The following MYT1L variants were observed in gnomAD, a reference collection of about 807,000 sequenced individuals.
MYT1L encodes myelin transcription factor 1 like.
In MYT1L, 12 loss-of-function variants were observed where a neutral mutation model predicts 126.7. The observed-to-expected ratio is 0.09, with a 90% CI of 0.06 to 0.15. The LOEUF (loss-of-function observed/expected upper bound fraction) is 0.15, where lower values mean the gene tolerates loss of function less well. Among genes scored for constraint, MYT1L ranks in the 10% least tolerant of loss-of-function variants. The pLI is 1.00. For missense variants in MYT1L, 979 were observed against 1,585.2 expected, an observed-to-expected ratio of 0.62 and a Z score of 6.49; for synonymous variants, 541 against 604.2, an observed-to-expected ratio of 0.90 and a Z score of 1.53.
intron 2 of MYT1L, among the ~76,000 whole-genome samples, chr2:2,184,793 A>G (rs569048052): frequency 1.2e-3 from 178 of 152,194 alleles, no homozygotes; most frequent in African/African-American, 4.0e-3. Context: ...CGTCAGCTTC[A>G]GTTGTAGGAG....
intron 2 of MYT1L, among the ~76,000 whole-genome samples, chr2:2,190,403 C>T (rs930319596): frequency 6.6e-6 from 1 of 151,174 alleles, no homozygotes; most frequent in Non-Finnish European, 1.5e-5. Flanking sequence ...TGCAGGGAGC[C>T]GAGATCACAC....
At chr2:1,913,982 G>T (rs964407258) in intron 11 of MYT1L, among the ~76,000 whole-genome samples, 1 of 152,110 alleles carries the variant, frequency 6.6e-6, no homozygotes, top group Non-Finnish European at 1.5e-5. Flanking sequence ...CCTTCCGGGC[G>T]TGGTGGCTCA....
intron 3 of MYT1L, among the ~76,000 whole-genome samples, chr2:2,159,086 C>T (rs909668531): frequency 7.9e-5 from 12 of 152,112 alleles, no homozygotes; most frequent in East Asian, 1.9e-4. Flanking sequence ...TTCCACAATC[C>T]GCAGGTTGCT....
At chr2:1,987,450 T>TGTTCCCATGGGAGGGGCAGC (rs1287849584) in intron 5 of MYT1L, among the ~76,000 whole-genome samples, 2 of 152,120 alleles carry the variant, frequency 1.3e-5, no homozygotes, top group South Asian at 2.1e-4. Context: ...GGGCAGCCAG[T>TGTTCCCATGGGAGGGGCAGC]GTTCCCATGG....
chr2:2,213,007 T>C (rs1219715637), intron 2 of MYT1L, among the ~76,000 whole-genome samples: 3 of 152,114 alleles, frequency 2.0e-5, no homozygotes, highest in African/African-American at 7.2e-5. Context: ...GAGTGGACTT[T>C]ATTCTCATCA....
chr2:1,983,039 AT>A (rs376030046), intron 5 of MYT1L, among the ~76,000 whole-genome samples: 4 of 152,032 alleles, frequency 2.6e-5, no homozygotes, highest in South Asian at 4.2e-4. Flanking sequence ...GGGCAAACTT[AT>A]TTTTTTTCCA....
At chr2:2,269,229 CT>C (rs2095208856) in intron 2 of MYT1L, among the ~76,000 whole-genome samples, 1 of 152,182 alleles carries the variant, frequency 6.6e-6, no homozygotes, top group Non-Finnish European at 1.5e-5. Flanking sequence ...ACTTACAATA[CT>C]TTTTGGAAAT....
chr2:2,007,497 GA>G (rs1389621026), intron 4 of MYT1L, among the ~76,000 whole-genome samples: 1 of 152,176 alleles, frequency 6.6e-6, no homozygotes, highest in South Asian at 2.1e-4. Context: ...ATTTAACAGG[GA>G]AAACTGGCAC....
intron 18 of MYT1L, among the ~76,000 whole-genome samples, chr2:1,876,532 C>T (rs1282980602): frequency 4.6e-5 from 7 of 152,106 alleles, no homozygotes; most frequent in African/African-American, 1.4e-4. Flanking sequence ...CCCCTCACCC[C>T]GGCAACCTTT....
chr2:2,282,243 T>C (rs915253707), intron 2 of MYT1L, among the ~76,000 whole-genome samples: 1 of 152,238 alleles, frequency 6.6e-6, no homozygotes, highest in Non-Finnish European at 1.5e-5. Context: ...TTGCACGTAG[T>C]AGGCACTTCA....
intron 3 of MYT1L, among the ~76,000 whole-genome samples, chr2:2,089,731 C>CTCTCTG (rs2076716944): frequency 6.6e-6 from 1 of 152,110 alleles, no homozygotes; most frequent in Non-Finnish European, 1.5e-5. Context: ...TTATCTTCCT[C>CTCTCTG]TCTCTGTCTC....
intron 3 of MYT1L, among the ~76,000 whole-genome samples, chr2:2,151,351 G>A (rs2085753786): frequency 1.3e-5 from 2 of 152,106 alleles, no homozygotes; most frequent in South Asian, 4.2e-4. Context: ...AGTACATGCA[G>A]CTTACTTAGA....
chr2:2,173,092 T>G (rs1257374621), intron 2 of MYT1L, 104 bp from the exon 3 acceptor site: 1 of 152,254 alleles, frequency 6.6e-6, no homozygotes, highest in Admixed American at 6.5e-5. Context: ...CAGCTACATT[T>G]CAAGATAGGT....
chr2:2,034,277 C>T (rs1298156602), intron 4 of MYT1L, among the ~76,000 whole-genome samples: 1 of 151,846 alleles, frequency 6.6e-6, no homozygotes, highest in African/African-American at 2.4e-5. Context: ...AAGAGAGCTC[C>T]TAACTTCTCC....
At position 2,112,388 on chromosome 2, in the gene MYT1L, C is replaced by T. The variant is rs188246434; in HGVS notation, c.-303-58265G>A. Reference sequence around the variant, plus strand: ...TTACTGGTCAAAGGAAAGTATTGTACGTTTGAAACACTTTAAAAATGTTTC... The same window carrying T: ...TTACTGGTCAAAGGAAAGTATTGTATGTTTGAAACACTTTAAAAATGTTTC... On this transcript the variant is annotated intron_variant, in intron 3 of 24. Transcript: ENST00000647738. Among the ~76,000 whole-genome samples, 26 of 152,294 alleles carry T rather than the reference C, an allele frequency of 1.7e-4. 1 individual carries two copies. Among genetic ancestry groups the T allele is most frequent in the Non-Finnish European group, 4.4e-5 (3 of 68,026 alleles).
chr2:1,865,128 C>T (rs2045284462), intron 18 of MYT1L, among the ~76,000 whole-genome samples: 2 of 152,170 alleles, frequency 1.3e-5, no homozygotes, highest in African/African-American at 4.8e-5. Context: ...ACCGCATCTG[C>T]CCCGGGTACT....
intron 4 of MYT1L, among the ~76,000 whole-genome samples, chr2:2,030,157 G>A (rs1421550159): frequency 1.3e-5 from 2 of 152,178 alleles, no homozygotes; most frequent in Non-Finnish European, 2.9e-5. Context: ...GAGTGCAATG[G>A]TGTGATCTCA....
chr2:2,314,256 T>C (rs2096025214), intron 1 of MYT1L, among the ~76,000 whole-genome samples: 1 of 152,228 alleles, frequency 6.6e-6, no homozygotes, highest in Middle Eastern at 3.2e-3. Flanking sequence ...CTGCCATATA[T>C]ATTTATGTAT....
intron 2 of MYT1L, among the ~76,000 whole-genome samples, chr2:2,173,797 G>T (rs1305399515): frequency 6.6e-6 from 1 of 152,218 alleles, no homozygotes; most frequent in Admixed American, 6.5e-5. Flanking sequence ...ATGGGCCTCA[G>T]TGAAGTGTGT....
Sources: allele counts gnomAD v4.1 joint callset (sites outside exome capture counted in the v4.1 genomes callset), GRCh38; gene constraint gnomAD v4.1.1; transcripts MANE v1.5; gene names NCBI Gene and HGNC (gene_info 2026-07-23, HGNC 2026-07-21).